Variants in TRIM67 observed in about 807,000 individuals in gnomAD.
TRIM67 encodes tripartite motif-containing protein 67.
TRIM67 carries 39 observed loss-of-function variants against 71.0 expected under a neutral mutation model. That is an observed-to-expected ratio of 0.55 (90% confidence interval 0.43 to 0.72). The LOEUF (loss-of-function observed/expected upper bound fraction) is 0.72, where lower values mean the gene tolerates loss of function less well. Among genes scored for constraint, TRIM67 ranks in the 30% least tolerant of loss-of-function variants. TRIM67 has a pLI of 0.00. For missense variants in TRIM67, 973 were observed against 1,079.2 expected (o/e 0.90, Z 1.38); for synonymous variants, 481 against 473.9 (o/e 1.01, Z -0.19).
chr1:231,178,377 T>C (rs1682810704), intron 1 of TRIM67, among the ~76,000 whole-genome samples: 2 of 152,236 alleles, frequency 1.3e-5, no homozygotes, highest in Non-Finnish European at 2.9e-5. Context: ...ACTGACGGCA[T>C]ATTAAATGAG....
intron 1 of TRIM67, among the ~76,000 whole-genome samples, chr1:231,171,553 G>A (rs1227375935): frequency 6.6e-6 from 1 of 152,068 alleles, no homozygotes; most frequent in Non-Finnish European, 1.5e-5. Context: ...TCATAACAAG[G>A]GAACCTCAGG....
intron 4 of TRIM67, among the ~76,000 whole-genome samples, 193 bp downstream of exon 4, chr1:231,200,451 T>C (rs1389593123): frequency 1.3e-5 from 2 of 152,224 alleles, no homozygotes; most frequent in Non-Finnish European, 2.9e-5. Flanking sequence ...TTTTGCAGCA[T>C]GCATGAAACG....
At chr1:231,202,117 T>TGGA (rs1683554496) in intron 5 of TRIM67, among the ~76,000 whole-genome samples, 1 of 974 alleles carries the variant, frequency 1.0e-3, no homozygotes, top group African/African-American at 4.2e-3. Context: ...GAGGAGGTAA[T>TGGA]GGTGGAGGAG....
intron 1 of TRIM67, among the ~76,000 whole-genome samples, chr1:231,165,952 G>A (rs1682449694): frequency 6.6e-6 from 1 of 152,232 alleles, no homozygotes; most frequent in South Asian, 2.1e-4. Flanking sequence ...GCAATTGTAA[G>A]AGAAATTAAC....
chr1:231,162,916 C>G lies in TRIM67; in HGVS notation c.-54C>G. On this transcript the variant is annotated 5_prime_UTR_variant, in exon 1 of 10. Coordinates refer to ENST00000366653, the MANE Select transcript of TRIM67 (RefSeq NM_001004342.5). ...CGCTGGTCCTCCTCCGCCAGTCTCC[C>G]GAGCTCCGGCCATTCATCCCCAGCG... The G allele has an allele frequency of 6.3e-7, 1 of 1,575,688 alleles. No homozygotes were observed. Among genetic ancestry groups the G allele is most frequent in the Non-Finnish European group, 8.6e-7 (1 of 1,165,138 alleles).
At chr1:231,193,168 A>G (rs914875231) in intron 1 of TRIM67, among the ~76,000 whole-genome samples, 9 of 152,228 alleles carry the variant, frequency 5.9e-5, no homozygotes, top group Admixed American at 1.3e-4. Flanking sequence ...GCAGGGATCT[A>G]TCCCACTCTT....
At position 231,208,937 on chromosome 1, in the gene TRIM67, C is replaced by T. The variant is rs1362351777; in HGVS notation, c.1820-10C>T. ...CCTGACCCTGCTCCTCTCACCTCCT[C>T]CCTTTTTAGTGGCCTGGTTCACATT... On this transcript the variant is annotated splice_polypyrimidine_tract_variant and intron_variant, in intron 7 of 9. Coordinates refer to ENST00000366653, the MANE Select transcript of TRIM67 (RefSeq NM_001004342.5). 2.6e-6 allele frequency: 4 copies of T among 1,564,470 alleles called. No homozygotes were observed. The highest frequency in any genetic ancestry group is 2.4e-5 in the South Asian group (2 of 84,518).
At chr1:231,211,904 G>A (rs1433664977) in intron 8 of TRIM67, among the ~76,000 whole-genome samples, 1 of 152,092 alleles carries the variant, frequency 6.6e-6, no homozygotes, top group East Asian at 1.9e-4. Context: ...TGAGGCCCTC[G>A]TCTCTATAAA....
At chr1:231,214,167 C>G (rs1388971954) in intron 9 of TRIM67, among the ~76,000 whole-genome samples, 190 bp downstream of exon 9, 1 of 152,198 alleles carries the variant, frequency 6.6e-6, no homozygotes, top group Non-Finnish European at 1.5e-5. Context: ...ACTTGGGACA[C>G]CCAGGGGCCC....
At chr1:231,211,122 G>A (rs376125587) in intron 8 of TRIM67, among the ~76,000 whole-genome samples, 27 of 151,734 alleles carry the variant, frequency 1.8e-4, no homozygotes, top group African/African-American at 4.8e-4. Flanking sequence ...CTCGGGTCAC[G>A]CGGCTAGTTG....
chr1:231,175,612 G>C (rs148402472), intron 1 of TRIM67, among the ~76,000 whole-genome samples: 1 of 152,188 alleles, frequency 6.6e-6, no homozygotes, highest in Admixed American at 6.5e-5. Context: ...TGAGCTTAGC[G>C]AACCCCAATC....
In TRIM67 at chr1:231,217,810, C is replaced by G. The variant is rs1479110244; in HGVS notation, c.*2370C>G. ...CCTGAACCTAACCCCTTTGAGGGAG[C>G]AGCATCCAGGTCAGGAGAGAAGTGG... is the stretch of plus-strand genomic sequence containing the variant. On this transcript the variant is annotated 3_prime_UTR_variant, in exon 10 of 10. Transcript: ENST00000366653. 1 of 1,289,184 alleles carries G rather than the reference C, an allele frequency of 7.8e-7. No homozygotes were observed. The highest frequency in any genetic ancestry group is 1.0e-6 in the Non-Finnish European group (1 of 988,690). 79.9% of individuals were successfully genotyped at this position (1,289,184 alleles called of 1,614,324 possible). A position where few individuals can be genotyped will look rare whatever the true frequency, so the allele number is the denominator to read the frequency against.
At chr1:231,205,027 C>A (rs983685181) in intron 6 of TRIM67, among the ~76,000 whole-genome samples, 4 of 152,114 alleles carry the variant, frequency 2.6e-5, no homozygotes, top group African/African-American at 9.7e-5. Context: ...TCCTGTTGTG[C>A]AAATCAGCCA....
intron 1 of TRIM67, among the ~76,000 whole-genome samples, chr1:231,164,461 C>T (rs1192059106): frequency 6.6e-6 from 1 of 152,152 alleles, no homozygotes; most frequent in Non-Finnish European, 1.5e-5. Flanking sequence ...AAGAGAGGAG[C>T]CATCAAAATC....
At position 231,209,208 on chromosome 1, in the gene TRIM67, A is replaced by C. The variant is rs371363428; in HGVS notation, c.2081A>C (p.Asn694Thr). Residue 694 changes from asparagine (N) to threonine (T), a missense_variant, in exon 8 of 10, where the codon AAC becomes ACC. Transcript: ENST00000366653. The surrounding 1 kb of genome is among the most constrained non-coding windows in gnomAD (Gnocchi z 4.1). ...DDKAWAMYVD[N>T]NRSWFMHCNS... ...AAGGCCTGGGCCATGTATGTGGACA[A>C]CAACCGCAGCTGGTTCATGCACTGC... The C allele has an allele frequency of 7.9e-5, 126 of 1,590,710 alleles. No homozygotes were observed. Among genetic ancestry groups the C allele is most frequent in the Non-Finnish European group, 9.7e-5 (113 of 1,164,582 alleles).
chr1:231,209,303 G>A lies in TRIM67; in HGVS notation c.2123+53G>A. ...GTGGACACAGGTTGTTTGGGAATGA[G>A]GGTCCTGAAGACCAGTGTCCCTTCT... is the stretch of plus-strand genomic sequence containing the variant. On this transcript the variant is annotated intron_variant, in intron 8 of 9. Coordinates refer to ENST00000366653, the MANE Select transcript of TRIM67 (RefSeq NM_001004342.5). The surrounding 1 kb of genome is among the most constrained non-coding windows in gnomAD (Gnocchi z 4.1). 1 of 1,477,758 alleles carries A rather than the reference G, an allele frequency of 6.8e-7. No individual in the cohort carries two copies. The highest frequency in any genetic ancestry group is 2.4e-5 in the East Asian group (1 of 41,932). The allele number at this position is 1,477,758 out of a possible 1,614,324, so 91.5% of individuals were successfully genotyped here.
At chr1:231,208,913 CT>C in intron 7 of TRIM67, 33 bp from the exon 8 acceptor site, 2 of 1,533,064 alleles carry the variant, frequency 1.3e-6, no homozygotes, top group Non-Finnish European at 1.8e-6. Flanking sequence ...ATTCCATCCC[CT>C]GACCCTGCTC....
At chr1:231,169,367 TC>T (rs1682562551) in intron 1 of TRIM67, among the ~76,000 whole-genome samples, 3 of 111,592 alleles carry the variant, frequency 2.7e-5, no homozygotes, top group Middle Eastern at 4.5e-3. Flanking sequence ...GATTCTTTTC[TC>T]TTTTTTTTTT....
At chr1:231,194,176 A>G (rs1258546311) in intron 1 of TRIM67, among the ~76,000 whole-genome samples, 4 of 152,216 alleles carry the variant, frequency 2.6e-5, no homozygotes, top group African/African-American at 9.6e-5. Context: ...AGGAGGGGCC[A>G]GCCACAGCCC....
Sources: allele counts gnomAD v4.1 joint callset (sites outside exome capture counted in the v4.1 genomes callset), GRCh38; gene constraint gnomAD v4.1.1; non-coding constraint Gnocchi (gnomAD v3.1); transcripts MANE v1.5; gene names NCBI Gene and HGNC (gene_info 2026-07-23, HGNC 2026-07-21).